Variants in B3GLCT observed in about 807,000 individuals in gnomAD.
The protein encoded by B3GLCT is beta-1,3-glucosyltransferase.
In B3GLCT, 65 loss-of-function variants were observed where a neutral mutation model predicts 63.4. That is an observed-to-expected ratio of 1.03 (90% CI 0.84 to 1.26). The LOEUF is 1.26. B3GLCT is among the 50% of genes most tolerant of loss of function. The pLI is 0.00. For synonymous variants in B3GLCT, 233 were observed against 219.2 expected (o/e 1.06, Z -0.55); for missense variants, 577 against 604.8 (o/e 0.95, Z 0.48).
At chr13:31,318,205 A>G (rs769603252) in intron 13 of B3GLCT, among the ~76,000 whole-genome samples, 16 of 152,220 alleles carry the variant, frequency 1.1e-4, no homozygotes, top group Non-Finnish European at 1.8e-4. Context: ...AACTTGATTT[A>G]TATGGGTAAA....
At chr13:31,266,048 G>A (rs1187383377) in intron 7 of B3GLCT, among the ~76,000 whole-genome samples, 1 of 151,928 alleles carries the variant, frequency 6.6e-6, no homozygotes, top group Non-Finnish European at 1.5e-5. Flanking sequence ...CGCCCAGGCT[G>A]GAGTACAGTG....
Position 31,229,310 on chromosome 13 carries a change from T to TG in B3GLCT, c.270+22dup, listed in dbSNP as rs780666452. ...TCTTACACAGGTACGTAGCGATGGC[T>TG]GGGGGGTCTGCCAGTTATGTATTTC... On this transcript the variant is annotated intron_variant, in intron 4 of 14. Coordinates refer to ENST00000343307, the MANE Select transcript of B3GLCT (RefSeq NM_194318.4). The TG allele has an allele frequency of 2.2e-5, 31 of 1,414,478 alleles. No homozygotes were observed. The highest frequency in any genetic ancestry group is 3.4e-5 in the South Asian group (3 of 86,972). 87.6% of individuals were successfully genotyped at this position (1,414,478 alleles called of 1,614,324 possible). A position where few individuals can be genotyped will look rare whatever the true frequency, so the allele number is the denominator to read the frequency against.
In B3GLCT at chr13:31,317,609, G is replaced by A. The variant is rs1041073; in HGVS notation, c.1108G>A (p.Glu370Lys). The change falls in exon 13 of 15, where the codon GAG becomes AAG. Residue 370 changes from glutamate (E) to lysine (K), a missense_variant. Coordinates refer to ENST00000343307, the MANE Select transcript of B3GLCT (RefSeq NM_194318.4). ...QHLLSCYDSG[E>K]PVFLGERYGY... The stretch of plus-strand genomic sequence containing the variant: ...CTTGCTTAGCTGTTATGACTCCGGC[G>A]AGCCTGTGTTTCTGGGAGAGCGCTA... 0.75 allele frequency: 1,206,975 copies of A among 1,613,678 alleles called. 456,734 individuals carry two copies. The highest frequency in any genetic ancestry group is 0.78 in the Admixed American group (46,709 of 60,010).
intron 1 of B3GLCT, among the ~76,000 whole-genome samples, chr13:31,205,174 A>G (rs1392504787): frequency 6.6e-6 from 1 of 151,600 alleles, no homozygotes; most frequent in Non-Finnish European, 1.5e-5. Flanking sequence ...GGGTCTGTAG[A>G]GGACAGGTCT....
chr13:31,281,918 C>T (rs1182154128), intron 10 of B3GLCT, among the ~76,000 whole-genome samples: 1 of 152,204 alleles, frequency 6.6e-6, no homozygotes, highest in Non-Finnish European at 1.5e-5. Flanking sequence ...GTTCTGTCCT[C>T]ATAGTGAGAC....
intron 12 of B3GLCT, among the ~76,000 whole-genome samples, chr13:31,313,169 G>A (rs1454484334): frequency 6.6e-6 from 1 of 152,206 alleles, no homozygotes. Flanking sequence ...GATGGGAAAG[G>A]TGATCTTTTC....
In B3GLCT at chr13:31,313,084, T is replaced by G. The variant is rs75327010; in HGVS notation, c.1065-4482T>G. Among the ~76,000 whole-genome samples the G allele has an allele frequency of 5.5e-3, 839 of 152,368 alleles. 12 individuals carry two copies. The highest frequency in any genetic ancestry group is 0.019 in the African/African-American group (806 of 41,582). ...TGTCACTGGTCAGAGTTTCTTTTCA[T>G]ATATTAAATTCGTTTTCTTCACTTT... On this transcript the variant is annotated intron_variant, in intron 12 of 14. Coordinates refer to ENST00000343307, the MANE Select transcript of B3GLCT (RefSeq NM_194318.4).
chr13:31,302,344 C>G (rs570210748), intron 12 of B3GLCT, among the ~76,000 whole-genome samples: 1 of 151,988 alleles, frequency 6.6e-6, no homozygotes, highest in Non-Finnish European at 1.5e-5. Context: ...CGAATAGGAA[C>G]AGCTCCGGTC....
intron 6 of B3GLCT, among the ~76,000 whole-genome samples, chr13:31,254,824 G>A (rs1248915309): frequency 1.3e-5 from 2 of 152,064 alleles, no homozygotes; most frequent in African/African-American, 4.8e-5. Flanking sequence ...GGCCGAGGTG[G>A]GTGGATCACA....
At chr13:31,240,727 G>T (rs1347924496) in intron 4 of B3GLCT, among the ~76,000 whole-genome samples, 1 of 152,074 alleles carries the variant, frequency 6.6e-6, no homozygotes, top group African/African-American at 2.4e-5. Flanking sequence ...CTTTTGAAGT[G>T]AAAGGAGTTG....
intron 12 of B3GLCT, among the ~76,000 whole-genome samples, chr13:31,292,034 A>C (rs1293723689): frequency 6.6e-6 from 1 of 152,176 alleles, no homozygotes; most frequent in African/African-American, 2.4e-5. Flanking sequence ...AGGGGTGTTG[A>C]ATTTTATCGA....
At chr13:31,214,990 T>G in intron 1 of B3GLCT, 61 bp from the exon 2 acceptor site, 1 of 1,469,980 alleles carries the variant, frequency 6.8e-7, no homozygotes, top group Non-Finnish European at 9.4e-7. Flanking sequence ...CTGTTGGATG[T>G]GAGAATTAAC....
At chr13:31,254,651 G>T (rs536720074) in intron 6 of B3GLCT, among the ~76,000 whole-genome samples, 42 of 152,312 alleles carry the variant, frequency 2.8e-4, no homozygotes, top group African/African-American at 9.9e-4. Flanking sequence ...GGTATTGGAA[G>T]TTCTGGCCAG....
chr13:31,249,967 C>T (rs1287830399), intron 6 of B3GLCT, among the ~76,000 whole-genome samples: 3 of 152,178 alleles, frequency 2.0e-5, no homozygotes, highest in Non-Finnish European at 4.4e-5. Flanking sequence ...TTTCCATCAT[C>T]ATCTTTCAGT....
At chr13:31,234,872 G>T (rs879733778) in intron 4 of B3GLCT, among the ~76,000 whole-genome samples, 9 of 152,148 alleles carry the variant, frequency 5.9e-5, no homozygotes, top group African/African-American at 9.7e-5. Context: ...GTGCCGTTAG[G>T]GAGTAGACCT....
chr13:31,317,206 A>G (rs1875083213), intron 12 of B3GLCT, among the ~76,000 whole-genome samples: 1 of 152,196 alleles, frequency 6.6e-6, no homozygotes, highest in Non-Finnish European at 1.5e-5. Flanking sequence ...CTCACTTGAA[A>G]ACAGGACTGG....
chr13:31,263,989 C>G (rs1872169200), intron 7 of B3GLCT, among the ~76,000 whole-genome samples: 1 of 152,132 alleles, frequency 6.6e-6, no homozygotes, highest in East Asian at 1.9e-4. Context: ...GCTGGAAGTC[C>G]AAGATAAGGC....
intron 13 of B3GLCT, among the ~76,000 whole-genome samples, chr13:31,319,549 G>T (rs191341060): frequency 6.6e-6 from 1 of 152,264 alleles, no homozygotes. Context: ...TTTCCAGAGC[G>T]CCATCCTATC....
In B3GLCT at chr13:31,296,377, C is replaced by T. The variant is rs114431863; in HGVS notation, c.1064+9558C>T. 5.5e-3 allele frequency among the ~76,000 whole-genome samples: 839 copies of T among 152,292 alleles called. 12 individuals are homozygous for T. The highest frequency in any genetic ancestry group is 0.019 in the African/African-American group (806 of 41,562). On this transcript the variant is annotated intron_variant, in intron 12 of 14. Coordinates refer to ENST00000343307, the MANE Select transcript of B3GLCT (RefSeq NM_194318.4). Reference sequence around the variant, plus strand: ...GCATGGTTGGGTTCTAGTGAGGGCTCTCTTGGGTTGCAGGCTGCTGACTTC... The same window carrying T: ...GCATGGTTGGGTTCTAGTGAGGGCTTTCTTGGGTTGCAGGCTGCTGACTTC...
Sources: gnomAD v4.1 joint callset for allele counts (sites outside exome capture counted in the v4.1 genomes callset) on GRCh38, gnomAD v4.1.1 for gene constraint, MANE v1.5 for transcripts, NCBI Gene and HGNC (gene_info 2026-07-23, HGNC 2026-07-21) for gene names.